Variants in ERBB4 observed in about 807,000 individuals in gnomAD.
ERBB4 encodes the protein receptor tyrosine-protein kinase erbB-4.
Under a neutral mutation model 158.0 loss-of-function variants are expected in ERBB4, and 42 were observed. That is an observed-to-expected ratio of 0.27 (90% CI 0.21 to 0.34). ERBB4 has a LOEUF of 0.34. Ranked by LOEUF, ERBB4 falls within the 10% of genes least tolerant of loss-of-function variation. ERBB4 has a pLI of 1.00. For missense variants in ERBB4, 1,333 were observed against 1,624.1 expected (o/e 0.82, Z 3.08); for synonymous variants, 583 against 558.7 (o/e 1.04, Z -0.61).
chr2:211,752,806 C>T (rs189770761), intron 4 of ERBB4, among the ~76,000 whole-genome samples: 5 of 119,096 alleles, frequency 4.2e-5, no homozygotes, highest in Admixed American at 1.7e-4. Context: ...TGATATAGTA[C>T]CCACACACAC....
intron 1 of ERBB4, among the ~76,000 whole-genome samples, chr2:212,375,232 T>G (rs2090279655): frequency 6.6e-6 from 1 of 152,096 alleles, no homozygotes; most frequent in Non-Finnish European, 1.5e-5. Flanking sequence ...CCCCAAAGTT[T>G]AGGTATGGTA....
At chr2:212,368,104 T>C (rs150858910) in intron 1 of ERBB4, among the ~76,000 whole-genome samples, 1 of 152,182 alleles carries the variant, frequency 6.6e-6, no homozygotes, top group Non-Finnish European at 1.5e-5. Flanking sequence ...GGAAAAGAAG[T>C]CATTTGAAAA....
intron 1 of ERBB4, among the ~76,000 whole-genome samples, chr2:212,430,515 ACTGCAGCCTCCACCTC>A (rs1415102183): frequency 2.6e-5 from 4 of 151,022 alleles, no homozygotes; most frequent in Non-Finnish European, 4.4e-5. Flanking sequence ...ATCTTGGCTC[ACTGCAGCCTCCACCTC>A]CTGGGTTGAA....
At chr2:211,666,578 G>A (rs1238809366) in intron 14 of ERBB4, among the ~76,000 whole-genome samples, 1 of 152,156 alleles carries the variant, frequency 6.6e-6, no homozygotes, top group Non-Finnish European at 1.5e-5. Flanking sequence ...TATCGTCAGA[G>A]CAAAGAAAAT....
At chr2:212,271,454 G>T (rs1175383552) in intron 1 of ERBB4, among the ~76,000 whole-genome samples, 1 of 151,612 alleles carries the variant, frequency 6.6e-6, no homozygotes, top group South Asian at 2.1e-4. Flanking sequence ...GATGCCAAAA[G>T]TTATCAGAAA....
intron 20 of ERBB4, among the ~76,000 whole-genome samples, chr2:211,478,720 C>T (rs1001432953): frequency 1.3e-5 from 2 of 151,680 alleles, no homozygotes; most frequent in Non-Finnish European, 2.9e-5. Context: ...TACAACATAT[C>T]CCCTAATTCT....
At chr2:211,999,886 G>C (rs1378889368) in intron 2 of ERBB4, among the ~76,000 whole-genome samples, 1 of 151,312 alleles carries the variant, frequency 6.6e-6, no homozygotes, top group Non-Finnish European at 1.5e-5. Context: ...ATTCATTTCT[G>C]TCTCTTTCTA....
intron 17 of ERBB4, among the ~76,000 whole-genome samples, chr2:211,626,327 T>C (rs1048725634): frequency 6.6e-6 from 1 of 152,168 alleles, no homozygotes; most frequent in Non-Finnish European, 1.5e-5. Flanking sequence ...TATAGTTTTA[T>C]GCATGTAACA....
At chr2:212,000,584 C>A in intron 2 of ERBB4, among the ~76,000 whole-genome samples, 1 of 151,504 alleles carries the variant, frequency 6.6e-6, no homozygotes, top group African/African-American at 2.4e-5. Context: ...GAATTAGGAG[C>A]CTATAAGAAA....
rs183750251 is a variant in ERBB4 at position 212,319,920 on chromosome 2, T to C, written c.83-195017A>G. Among the ~76,000 whole-genome samples the C allele has an allele frequency of 1.4e-4, 21 of 150,330 alleles. 1 individual carries two copies. The East Asian group carries it at 4.1e-3, about 29-fold the overall frequency. ...CCAAAGCTAGGGGCCAAGAACACAATATACTCTCATCTTTTCAAGATCTGA... is the reference window on the plus strand; with the variant it reads ...CCAAAGCTAGGGGCCAAGAACACAACATACTCTCATCTTTTCAAGATCTGA... On this transcript the variant is annotated intron_variant, in intron 1 of 27. Coordinates refer to ENST00000342788, the MANE Select transcript of ERBB4 (RefSeq NM_005235.3).
chr2:212,170,433 G>C (rs781149316), intron 1 of ERBB4, among the ~76,000 whole-genome samples: 2 of 152,180 alleles, frequency 1.3e-5, no homozygotes, highest in Non-Finnish European at 2.9e-5. Flanking sequence ...CCCATTTTCT[G>C]GGGAGAAAGT....
At chr2:211,716,233 AT>A (rs2073893980) in intron 7 of ERBB4, among the ~76,000 whole-genome samples, 1 of 151,804 alleles carries the variant, frequency 6.6e-6, no homozygotes, top group Non-Finnish European at 1.5e-5. Flanking sequence ...ATGGTGGCGC[AT>A]GCCTGTAATC....
chr2:212,030,211 GT>G (rs1453559850), intron 2 of ERBB4, among the ~76,000 whole-genome samples: 1 of 152,146 alleles, frequency 6.6e-6, no homozygotes, highest in Middle Eastern at 3.4e-3. Flanking sequence ...AATCCTTTCA[GT>G]TCTACTTCAA....
chr2:212,459,993 C>T (rs113544459), intron 1 of ERBB4, among the ~76,000 whole-genome samples: 3,544 of 152,206 alleles, frequency 0.023, 57 homozygotes, highest in African/African-American at 0.045. Context: ...TGGGAAGTAA[C>T]TGAATCATGA....
At chr2:212,213,784 T>C (rs2083009128) in intron 1 of ERBB4, among the ~76,000 whole-genome samples, 1 of 151,864 alleles carries the variant, frequency 6.6e-6, no homozygotes, top group Admixed American at 6.6e-5. Flanking sequence ...ATAACCACTC[T>C]TACCAAGGTC....
At chr2:212,098,906 G>A (rs1016872365) in intron 2 of ERBB4, among the ~76,000 whole-genome samples, 1 of 151,938 alleles carries the variant, frequency 6.6e-6, no homozygotes, top group Non-Finnish European at 1.5e-5. Flanking sequence ...GAGAAGAGGT[G>A]GGAAACCGCT....
At chr2:212,003,718 G>A (rs1252334449) in intron 2 of ERBB4, among the ~76,000 whole-genome samples, 2 of 152,148 alleles carry the variant, frequency 1.3e-5, no homozygotes, top group Non-Finnish European at 2.9e-5. Context: ...AATGATACTA[G>A]CGTATTAATC....
intron 3 of ERBB4, among the ~76,000 whole-genome samples, chr2:211,837,095 AAACTTC>A (rs2077359035): frequency 6.6e-6 from 1 of 152,136 alleles, no homozygotes; most frequent in Admixed American, 6.6e-5. Flanking sequence ...TTTGGTGGTT[AAACTTC>A]AAACATGGCA....
chr2:212,196,915 C>T (rs965578190), intron 1 of ERBB4, among the ~76,000 whole-genome samples: 1 of 152,132 alleles, frequency 6.6e-6, no homozygotes, highest in African/African-American at 2.4e-5. Flanking sequence ...GAAATCAGAG[C>T]ATATACCATA....
Sources: gnomAD v4.1 joint callset for allele counts (sites outside exome capture counted in the v4.1 genomes callset) on GRCh38, gnomAD v4.1.1 for gene constraint, MANE v1.5 for transcripts, NCBI Gene and HGNC (gene_info 2026-07-23, HGNC 2026-07-21) for gene names.